TRHDE: variants seen among roughly 807,000 people sequenced by gnomAD.
The protein encoded by TRHDE is thyrotropin-releasing hormone-degrading ectoenzyme.
TRHDE carries 72 observed loss-of-function variants against 125.7 expected under a neutral mutation model. The observed-to-expected ratio is 0.57, with a 90% CI of 0.47 to 0.70. TRHDE has a LOEUF of 0.70. Ranked by LOEUF, TRHDE falls within the 30% of genes least tolerant of loss-of-function variation. The pLI, the probability that TRHDE is intolerant of heterozygous loss-of-function variation, is 0.00. For synonymous variants in TRHDE, 509 were observed against 509.1 expected (o/e 1.00, Z 0.00); for missense variants, 1,110 against 1,327.1 (o/e 0.84, Z 2.54).
chr12:72,463,104 C>T (rs1475042285), intron 3 of TRHDE, among the ~76,000 whole-genome samples: 1 of 152,186 alleles, frequency 6.6e-6, no homozygotes, highest in Non-Finnish European at 1.5e-5. Flanking sequence ...TACATTCAAT[C>T]AGAGACCAGT....
chr12:72,435,290 A>G (rs1315779882), intron 3 of TRHDE, among the ~76,000 whole-genome samples: 2 of 152,184 alleles, frequency 1.3e-5, no homozygotes, highest in African/African-American at 2.4e-5. Context: ...GTCCTCCCCA[A>G]AGGATGGAAA....
chr12:72,337,960 G>A (rs1051076522), intron 2 of TRHDE, among the ~76,000 whole-genome samples: 37 of 151,080 alleles, frequency 2.4e-4, no homozygotes, highest in African/African-American at 7.0e-4. Context: ...AAAATCTATC[G>A]GCAAAATCAA....
At chr12:72,444,737 T>C (rs529046315) in intron 3 of TRHDE, among the ~76,000 whole-genome samples, 4 of 151,954 alleles carry the variant, frequency 2.6e-5, no homozygotes, top group South Asian at 4.2e-4. Context: ...TGTCTGTTAG[T>C]GAAGCTGGAG....
At chr12:72,272,344 T>G, upstream of TRHDE, 16 of 357,098 alleles carry the variant, frequency 4.5e-5, no homozygotes, top group African/African-American at 6.4e-5. The surrounding 1 kb of genome is among the most constrained non-coding windows in gnomAD (Gnocchi z 6.7). Context: ...GGGGGCAGCA[T>G]GTGCCCCGCC....
chr12:72,511,720 C>T (rs528884441), intron 6 of TRHDE, among the ~76,000 whole-genome samples: 3 of 152,174 alleles, frequency 2.0e-5, no homozygotes, highest in East Asian at 1.9e-4. Flanking sequence ...TTCACCGATT[C>T]ATCATCATTT....
At chr12:72,614,330 A>ATATATATATT (rs531067163) in intron 12 of TRHDE, among the ~76,000 whole-genome samples, 51 of 129,828 alleles carry the variant, frequency 3.9e-4, no homozygotes, top group African/African-American at 1.1e-3. Context: ...ATATATATAT[A>ATATATATATT]TTTTTTTTTT....
rs1313349481 is a variant in TRHDE, at chr12:72,668,046, G to A, written c.*4851G>A. The A allele has an allele frequency of 6.6e-6, 1 of 151,578 alleles. No homozygotes were observed. The highest frequency in any genetic ancestry group is 1.5e-5 in the Non-Finnish European group (1 of 67,718). 9.4% of individuals were successfully genotyped at this position (151,578 alleles called of 1,614,324 possible). On this transcript the variant is annotated 3_prime_UTR_variant, in exon 19 of 19. Coordinates refer to ENST00000261180, the MANE Select transcript of TRHDE (RefSeq NM_013381.3). Reference sequence around the variant, plus strand: ...AATTTATTTGTTGAAATTAGTATATGTGAACTTATGAAAAAATGTTCTTGT... The same window carrying A: ...AATTTATTTGTTGAAATTAGTATATATGAACTTATGAAAAAATGTTCTTGT...
intron 2 of TRHDE, among the ~76,000 whole-genome samples, chr12:72,113,520 A>T (rs1382304382): frequency 6.6e-6 from 1 of 151,722 alleles, no homozygotes; most frequent in Non-Finnish European, 1.5e-5. Flanking sequence ...TTGGTCTCGA[A>T]CTCCTGAACT....
chr12:72,213,206 G>C (rs1289256475), intron 2 of TRHDE, among the ~76,000 whole-genome samples: 1 of 152,116 alleles, frequency 6.6e-6, no homozygotes, highest in East Asian at 1.9e-4. Flanking sequence ...AGTGTATTGA[G>C]AGTGACTGTT....
intron 3 of TRHDE, among the ~76,000 whole-genome samples, chr12:72,443,346 G>A (rs909495020): frequency 2.0e-5 from 3 of 151,528 alleles, no homozygotes; most frequent in Admixed American, 1.3e-4. Flanking sequence ...CCTTTTTTGT[G>A]TTCCATGATT....
intron 2 of TRHDE, chr12:72,262,544 A>AAGTT (rs1395576744): frequency 2.6e-5 from 4 of 152,204 alleles, no homozygotes; most frequent in Non-Finnish European, 5.9e-5. Context: ...ATAACACTGC[A>AAGTT]AGTTAGCATA....
chr12:72,621,802 G>A, intron 15 of TRHDE, 51 bp downstream of exon 15: 1 of 1,313,152 alleles, frequency 7.6e-7, no homozygotes, highest in Non-Finnish European at 1.1e-6. Flanking sequence ...AGTGCTTTCA[G>A]AGTCTCAGTG....
At chr12:72,458,276 T>C (rs1047473132) in intron 3 of TRHDE, among the ~76,000 whole-genome samples, 1 of 152,212 alleles carries the variant, frequency 6.6e-6, no homozygotes, top group Non-Finnish European at 1.5e-5. Flanking sequence ...TTGCCGGTGT[T>C]TTATAAATAT....
intron 2 of TRHDE, among the ~76,000 whole-genome samples, chr12:72,363,562 A>G (rs974821129): frequency 5.9e-5 from 9 of 152,102 alleles, no homozygotes; most frequent in African/African-American, 2.2e-4. Context: ...CTTTGACGAA[A>G]TTCAACAACG....
At chr12:72,171,486 A>G (rs1281354015) in intron 2 of TRHDE, among the ~76,000 whole-genome samples, 3 of 152,220 alleles carry the variant, frequency 2.0e-5, no homozygotes, top group East Asian at 1.9e-4. Context: ...GGGCTAGCAG[A>G]TTCCCGGCAG....
chr12:72,394,815 A>G (rs1872729649), intron 3 of TRHDE, among the ~76,000 whole-genome samples: 1 of 152,134 alleles, frequency 6.6e-6, no homozygotes, highest in African/African-American at 2.4e-5. Context: ...TGGCTACCTG[A>G]CTGGATGTAG....
chr12:72,494,933 A>G (rs1877840020), intron 5 of TRHDE, among the ~76,000 whole-genome samples: 1 of 151,996 alleles, frequency 6.6e-6, no homozygotes, highest in Non-Finnish European at 1.5e-5. Context: ...AGTTGCCTAT[A>G]GCACATATCT....
At chr12:72,160,600 A>G (rs928576574) in intron 2 of TRHDE, among the ~76,000 whole-genome samples, 1 of 152,106 alleles carries the variant, frequency 6.6e-6, no homozygotes, top group African/African-American at 2.4e-5. Flanking sequence ...GAGGCAGGAA[A>G]ATCGCTTGAA....
chr12:72,434,862 G>A (rs2090490632), intron 3 of TRHDE, among the ~76,000 whole-genome samples: 1 of 152,112 alleles, frequency 6.6e-6, no homozygotes, highest in Non-Finnish European at 1.5e-5. Flanking sequence ...GTTCCCCCAC[G>A]TTTCTCCCTT....
Sources: allele counts gnomAD v4.1 joint callset (sites outside exome capture counted in the v4.1 genomes callset), GRCh38; gene constraint gnomAD v4.1.1; non-coding constraint Gnocchi (gnomAD v3.1); transcripts MANE v1.5; gene names NCBI Gene and HGNC (gene_info 2026-07-23, HGNC 2026-07-21).